The following ARHGAP29 variants were observed in gnomAD, a reference collection of about 807,000 sequenced individuals.
ARHGAP29 encodes rho GTPase-activating protein 29.
In ARHGAP29, 43 loss-of-function variants were observed where a neutral mutation model predicts 122.6. The observed-to-expected ratio is 0.35, with a 90% CI of 0.27 to 0.45. The LOEUF is 0.45. Among genes scored for constraint, ARHGAP29 ranks in the 20% least tolerant of loss-of-function variants. The pLI, the probability that ARHGAP29 is intolerant of heterozygous loss-of-function variation, is 1.00. For synonymous variants in ARHGAP29, 506 were observed against 497.1 expected (o/e 1.02, Z -0.24); for missense variants, 1,303 against 1,477.2 (o/e 0.88, Z 1.93).
At chr1:94,185,962 G>T (rs1649777145) in intron 16 of ARHGAP29, among the ~76,000 whole-genome samples, 2 of 152,006 alleles carry the variant, frequency 1.3e-5, no homozygotes, top group African/African-American at 4.8e-5. Flanking sequence ...TATACTGGAG[G>T]TCACATATTC....
chr1:94,238,754 G>A (rs1294515992), upstream of ARHGAP29, among the ~76,000 whole-genome samples: 1 of 152,052 alleles, frequency 6.6e-6, no homozygotes, highest in Admixed American at 6.5e-5. Flanking sequence ...AAATAAGGAA[G>A]AAAAATAAAA....
chr1:94,310,674 T>TTTGCTA, the ARHGAP29 span, among the ~76,000 whole-genome samples: 1 of 152,206 alleles, frequency 6.6e-6, no homozygotes, highest in African/African-American at 2.4e-5. Context: ...TATCTCACTT[T>TTTGCTA]CTTCGTTGGT....
At position 94,203,228 on chromosome 1, in the gene ARHGAP29, A is replaced by C; in HGVS notation, c.763-18T>G. Reference sequence around the variant, plus strand: ...ATGAACTCCTAAAATTTAAAATTGAAAAGTAAATTTTACAATAGAAATGGC... The same window carrying C: ...ATGAACTCCTAAAATTTAAAATTGACAAGTAAATTTTACAATAGAAATGGC... On this transcript the variant is annotated intron_variant, in intron 8 of 22. Transcript: ENST00000260526. 1 of 1,550,914 alleles carries C rather than the reference A, an allele frequency of 6.4e-7. No homozygotes were observed. The highest frequency in any genetic ancestry group is 8.8e-7 in the Non-Finnish European group (1 of 1,138,360).
intron 15 of ARHGAP29, 116 bp downstream of exon 15, chr1:94,188,721 A>G (rs1570503736): frequency 4.8e-6 from 4 of 840,968 alleles, no homozygotes; most frequent in Admixed American, 5.2e-5. Context: ...TAAATTGTAC[A>G]CTTTCCTCTC....
intron 1 of ARHGAP29, 102 bp from the exon 2 acceptor site, chr1:94,231,745 C>A: frequency 1.2e-6 from 1 of 802,928 alleles, no homozygotes; most frequent in South Asian, 1.8e-5. Context: ...TCACAAACAG[C>A]CCACAGCTCA....
intron 12 of ARHGAP29, among the ~76,000 whole-genome samples, chr1:94,196,568 T>C (rs1167213629): frequency 6.6e-6 from 1 of 152,192 alleles, no homozygotes; most frequent in Non-Finnish European, 1.5e-5. Flanking sequence ...GCCCCTGTTT[T>C]TCTTTTTAAA....
chr1:94,226,559 A>G (rs1359932191), intron 2 of ARHGAP29, among the ~76,000 whole-genome samples: 1 of 151,970 alleles, frequency 6.6e-6, no homozygotes, highest in Non-Finnish European at 1.5e-5. Flanking sequence ...GAAGAAATTA[A>G]GCTTAATGAC....
chr1:94,220,146 T>C (rs925506517), intron 3 of ARHGAP29, 112 bp downstream of exon 3: 1 of 1,181,264 alleles, frequency 8.5e-7, no homozygotes, highest in South Asian at 1.3e-5. Context: ...CTTATTAACA[T>C]ACATCACACA....
chr1:94,278,085 G>T (rs1005499775), upstream of ARHGAP29, among the ~76,000 whole-genome samples: 1 of 152,316 alleles, frequency 6.6e-6, no homozygotes, highest in East Asian at 1.9e-4. Context: ...GGAGGCCAAG[G>T]TTGGAGAAGT....
the ARHGAP29 span, among the ~76,000 whole-genome samples, chr1:94,304,906 A>G: frequency 1.4e-3 from 209 of 152,356 alleles, 3 homozygotes; most frequent in Admixed American, 0.012. Context: ...CCTGGTTAAA[A>G]AAGCAAATCT....
At chr1:94,224,412 T>G (rs750704110) in intron 2 of ARHGAP29, among the ~76,000 whole-genome samples, 11 of 152,218 alleles carry the variant, frequency 7.2e-5, no homozygotes, top group Middle Eastern at 3.2e-3. Flanking sequence ...ATTTTCAGAA[T>G]GCCAACGACA....
chr1:94,203,136 T>C lies in ARHGAP29; in HGVS notation c.837A>G (p.Gln279=), dbSNP rs1650970059. The change falls in exon 9 of 23, where the codon CAA becomes CAG. Residue 279 remains glutamine (Q), a synonymous_variant. Coordinates refer to ENST00000260526, the MANE Select transcript of ARHGAP29 (RefSeq NM_004815.4). Reference sequence around the variant, plus strand: ...TGTTAGCCTGGAGAGCTGCAATTGTTTGTTGTAAAAGGTGACTGCTTTCTA... The same window carrying C: ...TGTTAGCCTGGAGAGCTGCAATTGTCTGTTGTAAAAGGTGACTGCTTTCTA... ...NDIESSHLLQ[Q]TIAALQANKF... is the part of the protein sequence containing the mutation. 1.2e-6 allele frequency: 2 copies of C among 1,613,650 alleles called. No homozygotes were observed.
chr1:94,287,481 A>G, the ARHGAP29 span, among the ~76,000 whole-genome samples: 1 of 152,140 alleles, frequency 6.6e-6, no homozygotes, highest in Middle Eastern at 3.4e-3. Context: ...ACTGTGAGTC[A>G]ATTAAACCTC....
At chr1:94,252,983 T>G (rs1654158645) in intron 1 of ARHGAP29, among the ~76,000 whole-genome samples, 1 of 152,160 alleles carries the variant, frequency 6.6e-6, no homozygotes, top group Non-Finnish European at 1.5e-5. Context: ...CTTTATTTTT[T>G]TTTTTGAGAC....
chr1:94,196,422 C>T lies in ARHGAP29; in HGVS notation c.1281+5298G>A, dbSNP rs183412363. On this transcript the variant is annotated intron_variant, in intron 12 of 22. Coordinates refer to ENST00000260526, the MANE Select transcript of ARHGAP29 (RefSeq NM_004815.4). ...GACTACAGGCGCCCGCTACCACGCC[C>T]GGCTAATTTTTTGTATTTTTAGTAG... Among the ~76,000 whole-genome samples the T allele has an allele frequency of 1.6e-3, 235 of 150,896 alleles. 6 individuals carry two copies. The East Asian group carries it at 0.042, about 27-fold the overall frequency.
At chr1:94,204,053 C>T in intron 7 of ARHGAP29, 59 bp from the exon 8 acceptor site, 3 of 1,365,356 alleles carry the variant, frequency 2.2e-6, no homozygotes, top group East Asian at 2.3e-5. Flanking sequence ...CCCCTGTATA[C>T]TCTAAAATTA....
At chr1:94,217,262 G>A (rs190547863) in intron 3 of ARHGAP29, among the ~76,000 whole-genome samples, 3 of 152,208 alleles carry the variant, frequency 2.0e-5, no homozygotes, top group East Asian at 1.9e-4. Flanking sequence ...GGCCGGGAGC[G>A]GTGGCTCATG....
At chr1:94,184,020 A>G in intron 19 of ARHGAP29, 131 bp downstream of exon 19, 2 of 975,812 alleles carry the variant, frequency 2.0e-6, no homozygotes, top group South Asian at 3.1e-5. Flanking sequence ...CCTATGCACT[A>G]ATCATTAGCA....
At chr1:94,236,619 G>A (rs1653279881) in intron 1 of ARHGAP29, among the ~76,000 whole-genome samples, 1 of 152,078 alleles carries the variant, frequency 6.6e-6, no homozygotes, top group Non-Finnish European at 1.5e-5. Context: ...AGAGACAAGA[G>A]GCTCGTCAGT....
Sources: gnomAD v4.1 joint callset for allele counts (sites outside exome capture counted in the v4.1 genomes callset) on GRCh38, gnomAD v4.1.1 for gene constraint, MANE v1.5 for transcripts, NCBI Gene and HGNC (gene_info 2026-07-23, HGNC 2026-07-21) for gene names.